Variants in SLC39A11 observed in about 807,000 individuals in gnomAD.
SLC39A11 encodes zinc transporter ZIP11.
SLC39A11 carries 33 observed loss-of-function variants against 36.1 expected under a neutral mutation model. The ratio of observed to expected loss-of-function variants is 0.91; its 90% CI spans 0.69 to 1.22. SLC39A11 has a LOEUF of 1.22. SLC39A11 is among the 50% of genes most tolerant of loss of function. The pLI, the probability that SLC39A11 is intolerant of heterozygous loss-of-function variation, is 0.00. For missense variants in SLC39A11, 432 were observed against 430.3 expected (o/e 1.00, Z -0.03); for synonymous variants, 166 against 170.3 (o/e 0.97, Z 0.20).
intron 5 of SLC39A11, among the ~76,000 whole-genome samples, chr17:72,895,307 G>A (rs193157016): frequency 3.3e-5 from 5 of 152,234 alleles, no homozygotes; most frequent in Admixed American, 2.6e-4. Context: ...GGCTGGGTGC[G>A]CGGGCTCACA....
chr17:72,935,543 G>T (rs551365925), intron 5 of SLC39A11, among the ~76,000 whole-genome samples: 5 of 152,122 alleles, frequency 3.3e-5, no homozygotes, highest in Admixed American at 3.3e-4. Flanking sequence ...TTAATTTAAA[G>T]AATAAATTTT....
At chr17:73,010,196 G>T (rs2090436836) in intron 4 of SLC39A11, among the ~76,000 whole-genome samples, 1 of 152,020 alleles carries the variant, frequency 6.6e-6, no homozygotes, top group Admixed American at 6.5e-5. Context: ...CAGAGTCTGG[G>T]GTGGGGTCCC....
intron 4 of SLC39A11, among the ~76,000 whole-genome samples, chr17:72,984,269 C>T (rs2088547676): frequency 6.6e-6 from 1 of 151,990 alleles, no homozygotes; most frequent in Admixed American, 6.6e-5. Flanking sequence ...AGAACAAACT[C>T]AGCCACCCCA....
intron 7 of SLC39A11, among the ~76,000 whole-genome samples, chr17:72,714,121 C>T (rs563032059): frequency 1.4e-4 from 21 of 152,170 alleles, no homozygotes; most frequent in African/African-American, 3.9e-4. Flanking sequence ...TTTGGGAGGC[C>T]GAGGCGGGTG....
At chr17:72,655,152 G>A (rs2070049305) in intron 7 of SLC39A11, among the ~76,000 whole-genome samples, 1 of 152,242 alleles carries the variant, frequency 6.6e-6, no homozygotes, top group Admixed American at 6.5e-5. Flanking sequence ...AGCAGGGGCT[G>A]GCACCACAGT....
chr17:72,793,942 G>T (rs368767959), intron 6 of SLC39A11, among the ~76,000 whole-genome samples: 1 of 151,362 alleles, frequency 6.6e-6, no homozygotes. Context: ...ATACCACACC[G>T]GCCAGTATAC....
intron 4 of SLC39A11, among the ~76,000 whole-genome samples, chr17:73,004,888 G>A (rs906284483): frequency 6.6e-6 from 1 of 152,232 alleles, no homozygotes; most frequent in African/African-American, 2.4e-5. Context: ...AACAGTCCAC[G>A]AGAGGCAGGA....
Position 73,088,791 on chromosome 17 carries a change from G to A in SLC39A11, c.-11-16C>T, listed in dbSNP as rs763692722. On this transcript the variant is annotated splice_polypyrimidine_tract_variant and intron_variant, in intron 1 of 9. Transcript: ENST00000255559. ...CTGGATACAGCTGTGCAAGAGGAGC[G>A]AGAGGGTCAGCCACCGGTGGTCCGT... 9.6e-6 allele frequency: 15 copies of A among 1,556,740 alleles called. No individual in the cohort carries two copies. The African/African-American group carries it at 1.2e-4, about 13-fold the overall frequency.
At chr17:72,658,375 T>TA (rs2070244880) in intron 7 of SLC39A11, among the ~76,000 whole-genome samples, 1 of 152,092 alleles carries the variant, frequency 6.6e-6, no homozygotes, top group South Asian at 2.1e-4. Flanking sequence ...GGGTGCTAGG[T>TA]AAGAAGGGCC....
At chr17:72,944,106 T>A (rs1387635532) in intron 5 of SLC39A11, among the ~76,000 whole-genome samples, 2 of 152,162 alleles carry the variant, frequency 1.3e-5, no homozygotes, top group Admixed American at 1.3e-4. Context: ...TCATTACTTA[T>A]GCTTATAAAA....
chr17:72,801,727 G>T (rs1000993095), intron 6 of SLC39A11, among the ~76,000 whole-genome samples: 1 of 152,120 alleles, frequency 6.6e-6, no homozygotes, highest in African/African-American at 2.4e-5. Flanking sequence ...ATATCTATGA[G>T]TAACAAGGGA....
chr17:72,833,532 T>G (rs1336555633), intron 6 of SLC39A11, among the ~76,000 whole-genome samples: 1 of 152,200 alleles, frequency 6.6e-6, no homozygotes, highest in East Asian at 1.9e-4. Flanking sequence ...AACAGGACAA[T>G]GGCTCTAGCA....
chr17:73,060,606 G>T (rs757145591), intron 3 of SLC39A11, among the ~76,000 whole-genome samples: 1 of 151,992 alleles, frequency 6.6e-6, no homozygotes, highest in Non-Finnish European at 1.5e-5. Flanking sequence ...TCTCTTGCTG[G>T]GCCCTGAGAA....
chr17:72,853,517 C>T (rs117909784), intron 5 of SLC39A11, among the ~76,000 whole-genome samples: 656 of 152,048 alleles, frequency 4.3e-3, no homozygotes, highest in Non-Finnish European at 7.1e-3. Context: ...TCGGACGCAC[C>T]ACGAGCAAAT....
chr17:72,960,940 G>GA (rs1445836219), intron 4 of SLC39A11, among the ~76,000 whole-genome samples: 1 of 152,052 alleles, frequency 6.6e-6, no homozygotes, highest in African/African-American at 2.4e-5. Context: ...CACTGCTGAG[G>GA]AAAAAAGGTT....
chr17:72,768,739 T>C (rs2075833493), intron 6 of SLC39A11, among the ~76,000 whole-genome samples: 1 of 152,100 alleles, frequency 6.6e-6, no homozygotes, highest in Non-Finnish European at 1.5e-5. Context: ...TCTTGGTTTT[T>C]ATTTATTTAT....
At chr17:73,040,377 G>A (rs909028282) in intron 3 of SLC39A11, among the ~76,000 whole-genome samples, 2 of 152,164 alleles carry the variant, frequency 1.3e-5, no homozygotes, top group African/African-American at 2.4e-5. Context: ...TAAAAGGTAC[G>A]CCTCCCTCTG....
Position 72,647,609 on chromosome 17 carries a change from A to C in SLC39A11, c.983T>G (p.Met328Arg), listed in dbSNP as rs1490793907. ...WASILGFVVMMSLDVGLG is the reference protein window; with the variant it reads ...WASILGFVVMRSLDVGLG ...CTAGCCCAGGCCAACGTCCAGTGAC[A>C]TCATCACTACAAATCCCAGGATGGA... The change falls in exon 10 of 10, where the codon ATG becomes AGG. Residue 328 changes from methionine (M) to arginine (R), a missense_variant. By Grantham distance (91) the Met-to-Arg change is moderately conservative. Transcript: ENST00000255559. 2.5e-6 allele frequency: 4 copies of C among 1,613,894 alleles called. No individual in the cohort carries two copies. Among genetic ancestry groups the C allele is most frequent in the Non-Finnish European group, 3.4e-6 (4 of 1,179,944 alleles).
intron 5 of SLC39A11, among the ~76,000 whole-genome samples, chr17:72,934,822 C>T (rs2084644843): frequency 6.6e-6 from 1 of 152,080 alleles, no homozygotes; most frequent in Non-Finnish European, 1.5e-5. Context: ...ATGAAAGTCA[C>T]CAGAGACCAC....
Sources: gnomAD v4.1 joint callset for allele counts (sites outside exome capture counted in the v4.1 genomes callset) on GRCh38, gnomAD v4.1.1 for gene constraint, MANE v1.5 for transcripts, NCBI Gene and HGNC (gene_info 2026-07-23, HGNC 2026-07-21) for gene names.